The following FAM120A variants were observed in gnomAD, a reference collection of about 807,000 sequenced individuals.
FAM120A encodes the protein family with sequence similarity 120 member A.
In FAM120A, 15 loss-of-function variants were observed where a neutral mutation model predicts 109.7. That is an observed-to-expected ratio of 0.14 (90% CI 0.09 to 0.21). The LOEUF (loss-of-function observed/expected upper bound fraction) is 0.21, where lower values mean the gene tolerates loss of function less well. Among genes scored for constraint, FAM120A ranks in the 10% least tolerant of loss-of-function variants. FAM120A has a pLI of 1.00. For missense variants in FAM120A, 899 were observed against 1,439.3 expected (o/e 0.62, Z 6.07); for synonymous variants, 493 against 572.8 (o/e 0.86, Z 1.99).
chr9:93,484,499 C>T (rs769196379), intron 3 of FAM120A, among the ~76,000 whole-genome samples: 3 of 152,104 alleles, frequency 2.0e-5, no homozygotes, highest in Admixed American at 6.5e-5. Context: ...CTGGCACTTA[C>T]GGTATCTCTG....
intron 3 of FAM120A, among the ~76,000 whole-genome samples, chr9:93,477,029 A>T (rs936896679): frequency 6.6e-6 from 1 of 152,170 alleles, no homozygotes; most frequent in Non-Finnish European, 1.5e-5. Context: ...ATCATTTGTC[A>T]GTTCAAGTGC....
intron 3 of FAM120A, among the ~76,000 whole-genome samples, chr9:93,496,790 T>C (rs1276078751): frequency 6.6e-6 from 1 of 152,252 alleles, no homozygotes; most frequent in Non-Finnish European, 1.5e-5. Flanking sequence ...AAAGCTCTTA[T>C]TAGGTGGCTG....
At chr9:93,543,906 A>G (rs1053319600) in intron 11 of FAM120A, among the ~76,000 whole-genome samples, 4 of 152,246 alleles carry the variant, frequency 2.6e-5, no homozygotes, top group Admixed American at 2.6e-4. Context: ...TGAGAAATGT[A>G]TCATTAGGTG....
intron 1 of FAM120A, among the ~76,000 whole-genome samples, chr9:93,467,631 T>G (rs1858108946): frequency 6.6e-6 from 1 of 152,142 alleles, no homozygotes; most frequent in Non-Finnish European, 1.5e-5. Flanking sequence ...TTCATGGGTG[T>G]GGTCCTTTAT....
chr9:93,529,849 AT>A, intron 9 of FAM120A: 1 of 553,566 alleles, frequency 1.8e-6, no homozygotes, highest in Non-Finnish European at 3.2e-6. Flanking sequence ...GCATCACATT[AT>A]TTTATGACTT....
At chr9:93,549,506 C>G (rs148244811) in intron 11 of FAM120A, among the ~76,000 whole-genome samples, 24 of 152,278 alleles carry the variant, frequency 1.6e-4, no homozygotes, top group South Asian at 2.1e-4. Flanking sequence ...ACCTCCCTTA[C>G]TTAGTTTGTG....
Position 93,564,545 on chromosome 9 carries a change from A to AT in FAM120A, c.*11dup. On this transcript the variant is annotated 3_prime_UTR_variant, in exon 18 of 18. Transcript: ENST00000277165. The stretch of plus-strand genomic sequence containing the variant: ...GTCTTAAATAAAGAAGAGTAAACTT[A>AT]TTTTTTATAGAGGGTGAAGGATGCT... 1 of 1,598,838 alleles carries AT rather than the reference A, an allele frequency of 6.3e-7. No individual in the cohort carries two copies. The highest frequency in any genetic ancestry group is 8.5e-7 in the Non-Finnish European group (1 of 1,169,740).
chr9:93,462,206 T>G (rs1857823634), intron 1 of FAM120A, among the ~76,000 whole-genome samples: 1 of 152,210 alleles, frequency 6.6e-6, no homozygotes, highest in Non-Finnish European at 1.5e-5. Context: ...TATTGTTTCT[T>G]AAAATTGTGG....
At position 93,543,207 on chromosome 9, in the gene FAM120A, T is replaced by G. The variant is rs1346240964; in HGVS notation, c.1910-15T>G. 6.2e-7 allele frequency: 1 copy of G among 1,607,402 alleles called. No individual in the cohort carries two copies. Among genetic ancestry groups the G allele is most frequent in the Non-Finnish European group, 8.5e-7 (1 of 1,175,268 alleles). On this transcript the variant is annotated splice_polypyrimidine_tract_variant and intron_variant, in intron 10 of 17. Transcript: ENST00000277165. ...GATGCATGAATGTGTCTTCTCTGGC[T>G]TTTTTTTCCTGTAGTTTCACCAGTG...
Position 93,452,639 on chromosome 9 carries a change from T to G in FAM120A, c.474+250T>G. Reference sequence around the variant, plus strand: ...CGGCCGCGTGGGGACACTTGAGGGCTGGGAGAGAGCCCCGGACCAGAATTC... The same window carrying G: ...CGGCCGCGTGGGGACACTTGAGGGCGGGGAGAGAGCCCCGGACCAGAATTC... On this transcript the variant is annotated intron_variant, in intron 1 of 17. Transcript: ENST00000277165. The surrounding 1 kb of genome is among the most constrained non-coding windows in gnomAD (Gnocchi z 7.0). 1 of 1,599,238 alleles carries G rather than the reference T, an allele frequency of 6.3e-7. No individual in the cohort carries two copies. Among genetic ancestry groups the G allele is most frequent in the African/African-American group, 1.3e-5 (1 of 75,066 alleles).
chr9:93,453,024 G>C, intron 1 of FAM120A: 5 of 1,173,090 alleles, frequency 4.3e-6, no homozygotes, highest in Non-Finnish European at 5.3e-6. Context: ...ATGGCTTTTT[G>C]TGTTAGATTT....
chr9:93,531,028 C>T (rs548402357), intron 9 of FAM120A: 2 of 152,180 alleles, frequency 1.3e-5, no homozygotes, highest in Non-Finnish European at 2.9e-5. Flanking sequence ...ATTGTCTTTT[C>T]ACATTTTAAA....
intron 1 of FAM120A, among the ~76,000 whole-genome samples, chr9:93,460,134 C>T (rs1439903860): frequency 1.3e-5 from 2 of 152,082 alleles, no homozygotes; most frequent in East Asian, 3.9e-4. Context: ...TTACACATTC[C>T]AACCTTAATA....
At chr9:93,526,288 G>A (rs28666855) in intron 7 of FAM120A, among the ~76,000 whole-genome samples, 3,381 of 152,258 alleles carry the variant, frequency 0.022, 123 homozygotes, top group African/African-American at 0.076. Context: ...TTTCACATTC[G>A]CCTGAGGACT....
chr9:93,546,652 C>A (rs1861903234), intron 11 of FAM120A, among the ~76,000 whole-genome samples: 1 of 152,210 alleles, frequency 6.6e-6, no homozygotes, highest in African/African-American at 2.4e-5. Flanking sequence ...CAGCGGAGTG[C>A]TGGCCCTTTC....
At chr9:93,560,484 G>C (rs1043355314) in intron 15 of FAM120A, among the ~76,000 whole-genome samples, 3 of 152,216 alleles carry the variant, frequency 2.0e-5, no homozygotes, top group Non-Finnish European at 4.4e-5. Context: ...CAAGATGATA[G>C]TTGTTTATTA....
At chr9:93,510,083 A>G (rs570565665) in intron 5 of FAM120A, among the ~76,000 whole-genome samples, 79 of 152,344 alleles carry the variant, frequency 5.2e-4, no homozygotes, top group Non-Finnish European at 1.0e-3. Context: ...GGGAAGTCAG[A>G]GCATTACTCC....
chr9:93,529,423 T>C lies in FAM120A; in HGVS notation c.1577T>C (p.Val526Ala), dbSNP rs758248723. 86 of 1,614,000 alleles carry C rather than the reference T, an allele frequency of 5.3e-5. No homozygotes were observed. The highest frequency in any genetic ancestry group is 7.1e-5 in the Non-Finnish European group (84 of 1,179,978). ...AEGKGSQMGTVQPIPCLLSMP... is the reference protein window; with the variant it reads ...AEGKGSQMGTAQPIPCLLSMP... ...GGCAAGGGAAGCCAGATGGGCACTG[T>C]CCAGCCAATCCCGTGCCTCCTGTCG... The change falls in exon 9 of 18, where the codon GTC (valine) becomes GCC (alanine). Residue 526 changes from valine (V) to alanine (A), a missense_variant. Physicochemically the swap from Val to Ala is moderately conservative, Grantham distance 64. This residue lies in a region of FAM120A where 133 missense variants were observed against 276.6 expected (regional missense o/e 0.48). Transcript: ENST00000277165.
intron 3 of FAM120A, among the ~76,000 whole-genome samples, chr9:93,476,674 T>C (rs1858561811): frequency 6.6e-6 from 1 of 152,224 alleles, no homozygotes; most frequent in Non-Finnish European, 1.5e-5. Context: ...CTTTAGGTAG[T>C]ATAGTTACTT....
Sources: gnomAD v4.1 joint callset for allele counts (sites outside exome capture counted in the v4.1 genomes callset) on GRCh38, gnomAD v4.1.1 for gene constraint, gnomAD v4.1.1 regional missense constraint, Gnocchi (gnomAD v3.1) non-coding constraint, MANE v1.5 for transcripts, NCBI Gene and HGNC (gene_info 2026-07-23, HGNC 2026-07-21) for gene names.